Variants in ATP12A observed in about 807,000 individuals in gnomAD.
The protein encoded by ATP12A is potassium-transporting ATPase alpha chain 2.
A neutral mutation model predicts 111.2 loss-of-function variants in ATP12A; 81 were observed. The observed-to-expected ratio is 0.73, with a 90% CI of 0.61 to 0.88. The LOEUF (loss-of-function observed/expected upper bound fraction) is 0.88. Ranked by LOEUF, ATP12A falls within the 40% of genes least tolerant of loss-of-function variation. ATP12A has a pLI of 0.00. For synonymous variants in ATP12A, 498 were observed against 499.8 expected (o/e 1.00, Z 0.05); for missense variants, 1,196 against 1,313.1 (o/e 0.91, Z 1.38).
At chr13:24,689,464 G>C in intron 5 of ATP12A, 89 bp downstream of exon 5, 5 of 1,124,534 alleles carry the variant, frequency 4.4e-6, no homozygotes, top group Non-Finnish European at 6.6e-6. Context: ...TGAGGGCTAC[G>C]GGTTTCCACT....
chr13:24,694,620 C>T (rs1235060349), intron 11 of ATP12A, 42 bp downstream of exon 11: 9 of 1,610,406 alleles, frequency 5.6e-6, no homozygotes, highest in African/African-American at 5.4e-5. Context: ...TCATCGGCAG[C>T]ATGACCTTTC....
chr13:24,682,296 T>A (rs1228469597), intron 2 of ATP12A, among the ~76,000 whole-genome samples: 6 of 147,624 alleles, frequency 4.1e-5, no homozygotes, highest in African/African-American at 1.5e-4. Flanking sequence ...ATGTGTGGTG[T>A]GTGTATGTGC....
In ATP12A at chr13:24,682,378, T is replaced by TG. The variant is rs1874510899; in HGVS notation, c.168+659dup. On this transcript the variant is annotated intron_variant, in intron 2 of 22. Coordinates refer to ENST00000381946, the MANE Select transcript of ATP12A (RefSeq NM_001676.7). ...TGGTGTATATGTGTGGTGTGTGGTG[T>TG]GTGTGTGGTGTGTGGTGTGTGTATG... Among the ~76,000 whole-genome samples the TG allele has an allele frequency of 3.4e-5, 5 of 149,116 alleles. 1 individual carries two copies. The highest frequency in any genetic ancestry group is 3.9e-4 in the East Asian group (2 of 5,100).
At position 24,710,871 on chromosome 13, in the gene ATP12A, G is replaced by A. The variant is rs1300964089; in HGVS notation, c.2977G>A (p.Ala993Thr). ...ILSYGLGSVT[A>T]LSFTMLRAQY... ...CTCCTATGGCCTCGGAAGTGTCACA[G>A]CCTTGAGTTTCACCATGCTTAGGTG... Residue 993 changes from alanine to threonine, a missense_variant, in exon 21 of 23, where the codon GCC (alanine) becomes ACC (threonine). Coordinates refer to ENST00000381946, the MANE Select transcript of ATP12A (RefSeq NM_001676.7). The A allele has an allele frequency of 6.2e-7, 1 of 1,614,160 alleles. No individual in the cohort carries two copies. Among genetic ancestry groups the A allele is most frequent in the Non-Finnish European group, 8.5e-7 (1 of 1,180,028 alleles).
intron 14 of ATP12A, among the ~76,000 whole-genome samples, chr13:24,705,446 T>C (rs1266051117): frequency 1.3e-5 from 2 of 152,226 alleles, no homozygotes; most frequent in African/African-American, 4.8e-5. Context: ...GGGGACTGGC[T>C]CAGGCAGCTC....
intron 8 of ATP12A, among the ~76,000 whole-genome samples, chr13:24,691,785 G>A (rs760343078): frequency 7.2e-5 from 11 of 152,156 alleles, no homozygotes; most frequent in Non-Finnish European, 1.0e-4. Context: ...GGGTCTCAAG[G>A]GGTAGGAGAG....
chr13:24,690,707 C>T lies in ATP12A; in HGVS notation c.785C>T (p.Thr262Ile). 1 of 1,613,628 alleles carries T rather than the reference C, an allele frequency of 6.2e-7. No individual in the cohort carries two copies. Among genetic ancestry groups the T allele is most frequent in the South Asian group, 1.1e-5 (1 of 91,034 alleles). The change falls in exon 7 of 23, where the codon ACA (threonine) becomes ATA (isoleucine). Residue 262 changes from threonine (T) to isoleucine (I), a missense_variant. By Grantham distance (89) the Thr-to-Ile change is moderately conservative (BLOSUM62 -1). This residue lies in a region of ATP12A where 1,126 missense variants were observed against 1,228.5 expected (regional missense o/e 0.92). Transcript: ENST00000381946. Reference protein sequence around the residue: ...LETKNICFYSTTCLEGTVTGM... With the variant: ...LETKNICFYSITCLEGTVTGM... The stretch of plus-strand genomic sequence containing the variant: ...ACAAAGAACATCTGCTTCTATTCCA[C>T]AACGTGTCTGGAAGGTAAAAGGCCT...
In ATP12A at chr13:24,712,338, G is replaced by GA. The variant is rs929138698; in HGVS notation, c.*816_*817insA. 24 of 152,178 alleles carry GA rather than the reference G, an allele frequency of 1.6e-4. No homozygotes were observed. The highest frequency in any genetic ancestry group is 5.8e-4 in the African/African-American group (24 of 41,430). The allele number at this position is 152,178 out of a possible 1,614,324, so 9.4% of individuals were successfully genotyped here. A position where few individuals can be genotyped will look rare whatever the true frequency, so the allele number is the denominator to read the frequency against. The stretch of plus-strand genomic sequence containing the variant: ...CATATTTATTTCTTGTAAAACAGTT[G>GA]CCAGGTGCTCTCCAGCAATAACGTT... On this transcript the variant is annotated 3_prime_UTR_variant, in exon 23 of 23. Coordinates refer to ENST00000381946, the MANE Select transcript of ATP12A (RefSeq NM_001676.7).
In ATP12A at chr13:24,681,795, CTT is replaced by C. The variant is rs558595057; in HGVS notation, c.168+76_168+77del. 9.5e-4 allele frequency: 1,472 copies of C among 1,555,642 alleles called. 1 individual carries two copies. The highest frequency in any genetic ancestry group is 1.2e-3 in the Non-Finnish European group (1,400 of 1,140,704). ...AAGAGCTTGCCCCTAGAACCCACCT[CTT>C]ACCACAGACATTCAGTCTGAGGGAT... On this transcript the variant is annotated intron_variant, in intron 2 of 22. Transcript: ENST00000381946.
intron 5 of ATP12A, among the ~76,000 whole-genome samples, chr13:24,690,131 C>T (rs1313594730): frequency 6.6e-6 from 1 of 152,156 alleles, no homozygotes; most frequent in East Asian, 1.9e-4. Context: ...TCTTCTGTTT[C>T]ATTCTTGCTG....
intron 8 of ATP12A, 62 bp downstream of exon 8, chr13:24,691,312 AG>A: frequency 6.5e-7 from 1 of 1,529,204 alleles, no homozygotes; most frequent in Admixed American, 1.9e-5. Context: ...GGTGCTGGGG[AG>A]GCGCCCACAC....
At chr13:24,708,894 A>AG (rs2137722571) in intron 17 of ATP12A, among the ~76,000 whole-genome samples, 2 of 138,718 alleles carry the variant, frequency 1.4e-5, no homozygotes, top group African/African-American at 5.5e-5. Flanking sequence ...AAGAGAAAGA[A>AG]AGAAAGGAAA....
At position 24,706,453 on chromosome 13, in the gene ATP12A, G is replaced by T. The variant is rs982714913; in HGVS notation, c.2159G>T (p.Cys720Phe). The T allele has an allele frequency of 5.6e-6, 9 of 1,613,894 alleles. No homozygotes were observed. Among genetic ancestry groups the T allele is most frequent in the Non-Finnish European group, 7.6e-6 (9 of 1,179,842 alleles). Residue 720 changes from cysteine (C) to phenylalanine (F), a missense_variant, in exon 15 of 23, where the codon TGT becomes TTT. Physicochemically the swap from Cys to Phe is radical, Grantham distance 205. Transcript: ENST00000381946. ...CAGAAGCTGATCATTGTGGAGGGCTGTCAGAGGCAGGTGGGTGGACAGCAG... is the reference window on the plus strand; with the variant it reads ...CAGAAGCTGATCATTGTGGAGGGCTTTCAGAGGCAGGTGGGTGGACAGCAG... ...PQQKLIIVEG[C>F]QRQDAVVAVT...
At chr13:24,680,864 C>T in intron 1 of ATP12A, 112 bp downstream of exon 1, 1 of 1,374,576 alleles carries the variant, frequency 7.3e-7, no homozygotes, top group Non-Finnish European at 9.4e-7. Context: ...AACGCCCCGT[C>T]CCGGGGCAAG....
chr13:24,705,239 C>T (rs769404080), intron 14 of ATP12A, among the ~76,000 whole-genome samples: 1 of 152,188 alleles, frequency 6.6e-6, no homozygotes, highest in Non-Finnish European at 1.5e-5. Flanking sequence ...CATTCCTGGT[C>T]AGGGAGCGAG....
intron 11 of ATP12A, among the ~76,000 whole-genome samples, chr13:24,695,795 G>T (rs1009865350): frequency 6.6e-6 from 1 of 151,952 alleles, no homozygotes; most frequent in South Asian, 2.1e-4. Context: ...TTTTAGTAGA[G>T]ACAGGGTTTC....
At chr13:24,686,761 A>AGAAGGAAG (rs745857314) in intron 3 of ATP12A, among the ~76,000 whole-genome samples, 10 of 132,624 alleles carry the variant, frequency 7.5e-5, no homozygotes, top group African/African-American at 2.9e-4. Context: ...AAAGAAAGAA[A>AGAAGGAAG]GAAGGAAGGA....
intron 11 of ATP12A, 74 bp from the exon 12 acceptor site, chr13:24,698,584 T>G: frequency 6.8e-7 from 1 of 1,471,470 alleles, no homozygotes; most frequent in Non-Finnish European, 9.2e-7. Flanking sequence ...TCCTTTACAT[T>G]TAATGGACCA....
In ATP12A at chr13:24,711,315, C is replaced by T. The variant is rs1875955540; in HGVS notation, c.3000-3C>T. 3 of 1,594,562 alleles carry T rather than the reference C, an allele frequency of 1.9e-6. No individual in the cohort carries two copies. The highest frequency in any genetic ancestry group is 4.5e-5 in the East Asian group (2 of 44,504). ...GGTTCACTTTCCATCCCTTTGCTTC[C>T]AGGGCTCAGTACTGGTTTGTGGCTG... is the stretch of plus-strand genomic sequence containing the variant. On this transcript the variant is annotated splice_polypyrimidine_tract_variant and splice_region_variant and intron_variant, in intron 21 of 22. Transcript: ENST00000381946.
Sources: allele counts gnomAD v4.1 joint callset (sites outside exome capture counted in the v4.1 genomes callset), GRCh38; gene constraint gnomAD v4.1.1; regional missense constraint gnomAD v4.1.1; transcripts MANE v1.5; gene names NCBI Gene and HGNC (gene_info 2026-07-23, HGNC 2026-07-21).